Variants in DDR1 observed in about 807,000 individuals in gnomAD.
DDR1 encodes discoidin domain receptor tyrosine kinase 1.
A neutral mutation model predicts 97.4 loss-of-function variants in DDR1; 64 were observed. The ratio of observed to expected loss-of-function variants is 0.66; its 90% CI spans 0.54 to 0.81. The LOEUF is 0.81. Ranked by LOEUF, DDR1 falls within the 30% of genes least tolerant of loss-of-function variation. DDR1 has a pLI of 0.00. For missense variants in DDR1, 990 were observed against 1,259.6 expected, an observed-to-expected ratio of 0.79 and a Z score of 3.24; for synonymous variants, 458 against 503.7, an observed-to-expected ratio of 0.91 and a Z score of 1.21.
Position 30,888,404 on chromosome 6 carries a change from T to C in DDR1, c.-42-284T>C, listed in dbSNP as rs538569661. On this transcript the variant is annotated intron_variant, in intron 1 of 17. Coordinates refer to ENST00000376568, the MANE Select transcript of DDR1 (RefSeq NM_001297654.2). The surrounding 1 kb of genome is among the most constrained non-coding windows in gnomAD (Gnocchi z 4.2). ...GGAGAAATGGGGCTTTAGGAAGTTA[T>C]TTAACTGATCTCTGCCCTAGTTTCT... The C allele has an allele frequency of 6.1e-4, 248 of 408,298 alleles. No homozygotes were observed. The highest frequency in any genetic ancestry group is 4.6e-3 in the African/African-American group (228 of 49,480). The allele number at this position is 408,298 out of a possible 1,614,324, so 25.3% of individuals were successfully genotyped here. A position where few individuals can be genotyped will look rare whatever the true frequency, so the allele number is the denominator to read the frequency against.
upstream of DDR1, among the ~76,000 whole-genome samples, chr6:30,882,242 C>T (rs1214170101): frequency 6.6e-6 from 1 of 152,250 alleles, no homozygotes; most frequent in African/African-American, 2.4e-5. The surrounding 1 kb of genome is among the most constrained non-coding windows in gnomAD (Gnocchi z 4.8). Flanking sequence ...TCCTACGTGC[C>T]TCTCCTCACA....
intron 11 of DDR1, among the ~76,000 whole-genome samples, chr6:30,895,089 T>TCATC (rs909758891): frequency 6.6e-6 from 1 of 152,120 alleles, no homozygotes; most frequent in Admixed American, 6.5e-5. Context: ...ATAAATCTAT[T>TCATC]CATCCATCCA....
chr6:30,892,095 T>G lies in DDR1; in HGVS notation c.759T>G (p.Tyr253Ter). The change falls in exon 7 of 18, where the codon TAT becomes TAG. Residue 253 changes from tyrosine (Y) to a stop codon, truncating the protein, a stop_gained. Coordinates refer to ENST00000376568, the MANE Select transcript of DDR1 (RefSeq NM_001297654.2). LOFTEE classifies it high-confidence loss of function. ...AGGAGCTGCGGGTCTGGCCAGGCTA[T>G]GACTATGTGGGATGGAGCAACCACA... ...KSQELRVWPG[Y>*]DYVGWSNHSF... The G allele has an allele frequency of 6.2e-7, 1 of 1,614,188 alleles. No individual in the cohort carries two copies. Among genetic ancestry groups the G allele is most frequent in the Non-Finnish European group, 8.5e-7 (1 of 1,180,008 alleles).
intron 12 of DDR1, among the ~76,000 whole-genome samples, chr6:30,896,101 C>A (rs1202524945): frequency 1.3e-5 from 2 of 151,618 alleles, no homozygotes. Flanking sequence ...TCTCTGTGTG[C>A]CTCTGTCTCT....
rs759016307 is a variant in DDR1, at chr6:30,892,350, T to C, written c.907T>C (p.Cys303Arg). ...LGARLPGGVECRFRRGPAMAW... is the reference protein window; with the variant it reads ...LGARLPGGVERRFRRGPAMAW... ...AGCCCGTCTGCCTGGCGGGGTGGAA[T>C]GTCGCTTCCGGCGTGGCCCTGCCAT... The change falls in exon 8 of 18, where the codon TGT becomes CGT. Residue 303 changes from cysteine to arginine, a missense_variant. Transcript: ENST00000376568. The C allele has an allele frequency of 3.2e-6, 5 of 1,579,530 alleles. No homozygotes were observed. In the South Asian group the frequency reaches 5.7e-5, roughly 18 times the overall value.
At position 30,899,531 on chromosome 6, in the gene DDR1, G is replaced by T. The variant is rs1336569955; in HGVS notation, c.*235G>T. The stretch of plus-strand genomic sequence containing the variant: ...TTCTTCCTTCCTAGAAGCCCCTGTC[G>T]CCCACCCAGCTGGTCCTGTGGATGG... On this transcript the variant is annotated 3_prime_UTR_variant, in exon 18 of 18. Coordinates refer to ENST00000376568, the MANE Select transcript of DDR1 (RefSeq NM_001297654.2). 5.2e-6 allele frequency: 3 copies of T among 574,256 alleles called. No individual in the cohort carries two copies. Among genetic ancestry groups the T allele is most frequent in the Non-Finnish European group, 9.1e-6 (3 of 330,222 alleles). The allele number at this position is 574,256 out of a possible 1,614,324, so 35.6% of individuals were successfully genotyped here. A position where few individuals can be genotyped will look rare whatever the true frequency, so the allele number is the denominator to read the frequency against.
chr6:30,895,258 C>G (rs143975882), intron 11 of DDR1, 146 bp from the exon 12 acceptor site: 1 of 618,532 alleles, frequency 1.6e-6, no homozygotes, highest in Non-Finnish European at 2.8e-6. Context: ...AGCCGTCCGT[C>G]ACTCTGCAGA....
Position 30,888,669 on chromosome 6 carries a change from C to G in DDR1, c.-42-19C>G, listed in dbSNP as rs957324508. 1 of 1,601,742 alleles carries G rather than the reference C, an allele frequency of 6.2e-7. No individual in the cohort carries two copies. The highest frequency in any genetic ancestry group is 8.5e-7 in the Non-Finnish European group (1 of 1,174,548). The stretch of plus-strand genomic sequence containing the variant: ...AGTCCCCTGATTAACTTACGCACCA[C>G]CCATTTTATCCCCTGCAGAGATGCT... On this transcript the variant is annotated intron_variant, in intron 1 of 17. Coordinates refer to ENST00000376568, the MANE Select transcript of DDR1 (RefSeq NM_001297654.2). This position sits in a 1 kb window ranked among gnomAD's most constrained non-coding sequence, Gnocchi z 4.2.
At position 30,888,941 on chromosome 6, in the gene DDR1, G is replaced by A. The variant is rs770533788; in HGVS notation, c.119G>A (p.Arg40Gln). ...CGCTATGCCCTGGGCATGCAGGACC[G>A]GACCATCCCAGACAGTGACATCTCT... ...KCRYALGMQD[R>Q]TIPDSDISAS... The change falls in exon 3 of 18, where the codon CGG becomes CAG. Residue 40 changes from arginine to glutamine, a missense_variant. Arg to Gln is a conservative substitution (Grantham distance 43). Coordinates refer to ENST00000376568, the MANE Select transcript of DDR1 (RefSeq NM_001297654.2). The surrounding 1 kb of genome is among the most constrained non-coding windows in gnomAD (Gnocchi z 4.2). The A allele has an allele frequency of 4.3e-6, 7 of 1,612,824 alleles. No homozygotes were observed. The highest frequency in any genetic ancestry group is 1.1e-5 in the South Asian group (1 of 91,072).
upstream of DDR1, chr6:30,881,934 T>C (rs555417672): frequency 6.5e-6 from 1 of 153,326 alleles, no homozygotes; most frequent in East Asian, 1.9e-4. Context: ...CAGAGCTACG[T>C]CATCTCAATC....
Position 30,898,194 on chromosome 6 carries a change from A to C in DDR1, c.2338A>C (p.Ile780Leu), listed in dbSNP as rs762476392. ...RNCLVGENFTIKIADFGMSRN... is the reference protein window; with the variant it reads ...RNCLVGENFTLKIADFGMSRN... ...CTGCCTAGTTGGGGAAAATTTCACC[A>C]TCAAAATCGCAGACTTTGGCATGAG... Residue 780 changes from isoleucine to leucine, a missense_variant, in exon 16 of 18, where the codon ATC becomes CTC. Physicochemically the swap from Ile to Leu is conservative, Grantham distance 5. Coordinates refer to ENST00000376568, the MANE Select transcript of DDR1 (RefSeq NM_001297654.2). 6.2e-7 allele frequency: 1 copy of C among 1,614,260 alleles called. No homozygotes were observed. Among genetic ancestry groups the C allele is most frequent in the Non-Finnish European group, 8.5e-7 (1 of 1,180,050 alleles).
At chr6:30,896,520 C>CG in intron 12 of DDR1, 101 bp from the exon 13 acceptor site, 1 of 1,423,572 alleles carries the variant, frequency 7.0e-7, no homozygotes, top group Non-Finnish European at 9.5e-7. Context: ...CTCACTCAAC[C>CG]GGGAGACACA....
In DDR1 at chr6:30,894,858, A is replaced by G. The variant is rs1332237219; in HGVS notation, c.1513+187A>G. Among the ~76,000 whole-genome samples, 1 of 151,788 alleles carries G rather than the reference A, an allele frequency of 6.6e-6. No homozygotes were observed. Among genetic ancestry groups the G allele is most frequent in the Non-Finnish European group, 1.5e-5 (1 of 67,960 alleles). ...AGTCTCTCTCAAGAGTTCCCCATGT[A>G]TTACCCATAGTCCCCCGTGGTGCTA... On this transcript the variant is annotated intron_variant, in intron 11 of 17. Coordinates refer to ENST00000376568, the MANE Select transcript of DDR1 (RefSeq NM_001297654.2). The surrounding 1 kb of genome is among the most constrained non-coding windows in gnomAD (Gnocchi z 5.7).
Position 30,894,454 on chromosome 6 carries a change from C to T in DDR1, c.1348-52C>T. ...CGCAGGGATGGACACAGCAGAGGGCCAGGCCGTGTGTGCTGAGCAACACGG... is the reference window on the plus strand; with the variant it reads ...CGCAGGGATGGACACAGCAGAGGGCTAGGCCGTGTGTGCTGAGCAACACGG... On this transcript the variant is annotated intron_variant, in intron 10 of 17. Coordinates refer to ENST00000376568, the MANE Select transcript of DDR1 (RefSeq NM_001297654.2). The surrounding 1 kb of genome is among the most constrained non-coding windows in gnomAD (Gnocchi z 5.7). 6.5e-7 allele frequency: 1 copy of T among 1,532,786 alleles called. No homozygotes were observed. The highest frequency in any genetic ancestry group is 8.8e-7 in the Non-Finnish European group (1 of 1,134,348). The allele number at this position is 1,532,786 out of a possible 1,614,324, so 94.9% of individuals were successfully genotyped here.
chr6:30,889,469 C>G lies in DDR1; in HGVS notation c.417+39C>G, dbSNP rs1787199109. The G allele has an allele frequency of 1.4e-6, 2 of 1,414,318 alleles. No individual in the cohort carries two copies. Among genetic ancestry groups the G allele is most frequent in the Non-Finnish European group, 1.9e-6 (2 of 1,068,248 alleles). The allele number at this position is 1,414,318 out of a possible 1,614,324, so 87.6% of individuals were successfully genotyped here. A position where few individuals can be genotyped will look rare whatever the true frequency, so the allele number is the denominator to read the frequency against. On this transcript the variant is annotated intron_variant, in intron 4 of 17. Transcript: ENST00000376568. The surrounding 1 kb of genome is among the most constrained non-coding windows in gnomAD (Gnocchi z 4.9). ...GGGCAGCACCCAGAGGAGGTTGGCT[C>G]TCCTCACTTCCAGCTGTACTTTAAA...
chr6:30,882,721 T>C (rs1015962317), upstream of DDR1: 5 of 152,742 alleles, frequency 3.3e-5, no homozygotes, highest in African/African-American at 1.2e-4. This position sits in a 1 kb window ranked among gnomAD's most constrained non-coding sequence, Gnocchi z 4.8. Flanking sequence ...CTCTCCCCAG[T>C]GGACCCCTCT....
At chr6:30,892,880 A>G in intron 8 of DDR1, 188 bp from the exon 9 acceptor site, 1 of 615,082 alleles carries the variant, frequency 1.6e-6, no homozygotes, top group South Asian at 2.1e-5. Flanking sequence ...CAATCCAGCA[A>G]CTATAGGGTT....
Position 30,891,946 on chromosome 6 carries a change from G to A in DDR1, c.666-56G>A, listed in dbSNP as rs1343475347. 6.3e-7 allele frequency: 1 copy of A among 1,592,520 alleles called. No individual in the cohort carries two copies. Among genetic ancestry groups the A allele is most frequent in the African/African-American group, 1.3e-5 (1 of 74,450 alleles). On this transcript the variant is annotated intron_variant, in intron 6 of 17. Transcript: ENST00000376568. The surrounding 1 kb of genome is among the most constrained non-coding windows in gnomAD (Gnocchi z 5.3). ...GGAGGGTGGCGGAGCAGAATGCCTG[G>A]ATGTCAAGACCCTCTTCCCTTCCAA...
rs1196247228 is a variant in DDR1, at chr6:30,894,514, G to A, written c.1356G>A (p.Arg452=). ...CCCATCCCTATGACAAGGCTGAACG[G>A]AGGGTGTTGGAAGAGGAGCTGACGG... ...HWRRLLSKAE[R]RVLEEELTVH... is the part of the protein sequence containing the mutation. The change falls in exon 11 of 18, where the codon CGG becomes CGA. Residue 452 remains arginine (R), a synonymous_variant. Coordinates refer to ENST00000376568, the MANE Select transcript of DDR1 (RefSeq NM_001297654.2). This position sits in a 1 kb window ranked among gnomAD's most constrained non-coding sequence, Gnocchi z 5.7. The A allele has an allele frequency of 6.2e-7, 1 of 1,609,006 alleles. No individual in the cohort carries two copies. The highest frequency in any genetic ancestry group is 1.7e-5 in the Admixed American group (1 of 59,290).
Sources: allele counts gnomAD v4.1 joint callset (sites outside exome capture counted in the v4.1 genomes callset), GRCh38; gene constraint gnomAD v4.1.1; non-coding constraint Gnocchi (gnomAD v3.1); transcripts MANE v1.5; gene names NCBI Gene and HGNC (gene_info 2026-07-23, HGNC 2026-07-21).